PTPRD: variants seen among roughly 807,000 people sequenced by gnomAD.
PTPRD encodes protein tyrosine phosphatase receptor type D.
PTPRD carries 34 observed loss-of-function variants against 214.5 expected under a neutral mutation model. The observed-to-expected ratio is 0.16, with a 90% CI of 0.12 to 0.21. The LOEUF (loss-of-function observed/expected upper bound fraction) is 0.21. PTPRD is among the 10% of genes least tolerant of loss of function. The pLI is 1.00. For synonymous variants in PTPRD, 1,128 were observed against 845.7 expected, an observed-to-expected ratio of 1.33 and a Z score of -5.79; for missense variants, 2,545 against 2,398.7, an observed-to-expected ratio of 1.06 and a Z score of -1.27.
rs116793385 is a variant in PTPRD, at chr9:9,506,924, G to C, written c.-237+67808C>G. On this transcript the variant is annotated intron_variant, in intron 8 of 45. Transcript: ENST00000381196. Reference sequence around the variant, plus strand: ...ATAATGATTATGTTTTAAGATTATAGAAAATTAAGTAACCCAGTAATTCTA... The same window carrying C: ...ATAATGATTATGTTTTAAGATTATACAAAATTAAGTAACCCAGTAATTCTA... Among the ~76,000 whole-genome samples, 1,009 of 151,450 alleles carry C rather than the reference G, an allele frequency of 6.7e-3. 10 individuals carry two copies. The highest frequency in any genetic ancestry group is 0.023 in the African/African-American group (960 of 41,426).
chr9:9,007,811 T>TA (rs1589694108), intron 11 of PTPRD, among the ~76,000 whole-genome samples: 1 of 149,740 alleles, frequency 6.7e-6, no homozygotes, highest in South Asian at 2.1e-4. Context: ...TTTTTTTTTT[T>TA]ACACCATAAA....
At chr9:8,812,175 C>G (rs966698868) in intron 11 of PTPRD, among the ~76,000 whole-genome samples, 2 of 152,128 alleles carry the variant, frequency 1.3e-5, no homozygotes, top group African/African-American at 4.8e-5. Flanking sequence ...AACAGACTTC[C>G]ATTCTTTAAA....
chr9:10,489,710 G>A (rs190377168), intron 2 of PTPRD, among the ~76,000 whole-genome samples: 130 of 152,286 alleles, frequency 8.5e-4, no homozygotes, highest in Non-Finnish European at 1.2e-3. Context: ...TCTGGCTAGG[G>A]ATGGTTTAAA....
chr9:10,224,605 A>G (rs1050376957), intron 3 of PTPRD, among the ~76,000 whole-genome samples: 2 of 152,006 alleles, frequency 1.3e-5, no homozygotes, highest in African/African-American at 4.8e-5. Flanking sequence ...TCATTTAACC[A>G]TTTTTTAAGT....
intron 7 of PTPRD, among the ~76,000 whole-genome samples, chr9:9,711,339 T>C (rs1279027816): frequency 1.3e-5 from 2 of 152,118 alleles, no homozygotes; most frequent in Non-Finnish European, 2.9e-5. Context: ...AGACGGCAGT[T>C]TCCAAGAATC....
At chr9:8,461,467 ATCT>A (rs1381071279) in intron 32 of PTPRD, among the ~76,000 whole-genome samples, 15 of 152,096 alleles carry the variant, frequency 9.9e-5, no homozygotes, top group Admixed American at 9.8e-4. Context: ...TTAGGAAAAC[ATCT>A]TCTTGGCTCT....
At chr9:8,580,713 G>A (rs1390319084) in intron 14 of PTPRD, among the ~76,000 whole-genome samples, 2 of 152,108 alleles carry the variant, frequency 1.3e-5, no homozygotes, top group Non-Finnish European at 2.9e-5. Context: ...CCATTTGTAA[G>A]TACAACAAAA....
intron 3 of PTPRD, among the ~76,000 whole-genome samples, chr9:10,247,021 T>A (rs938913723): frequency 6.6e-6 from 1 of 152,188 alleles, no homozygotes; most frequent in Admixed American, 6.5e-5. Context: ...ACTAACTTTG[T>A]TTAAAAATAC....
intron 9 of PTPRD, among the ~76,000 whole-genome samples, chr9:9,278,969 C>G (rs1946669718): frequency 6.6e-6 from 1 of 151,088 alleles, no homozygotes; most frequent in African/African-American, 2.4e-5. Context: ...TTTTGTGTCA[C>G]AAAATAAACC....
chr9:9,003,867 C>G lies in PTPRD; in HGVS notation c.-104+14830G>C, dbSNP rs146749344. 4.1e-3 allele frequency among the ~76,000 whole-genome samples: 631 copies of G among 152,178 alleles called. 4 individuals carry two copies. Among genetic ancestry groups the G allele is most frequent in the Admixed American group, 7.5e-3 (115 of 15,250 alleles). ...GTAAATGCCTGATAACGTCACTACA[C>G]ATAGGAACATGACAATGCATCAACT... On this transcript the variant is annotated intron_variant, in intron 11 of 45. Transcript: ENST00000381196.
At chr9:10,073,180 C>T (rs987158245) in intron 3 of PTPRD, among the ~76,000 whole-genome samples, 10 of 151,886 alleles carry the variant, frequency 6.6e-5, no homozygotes, top group African/African-American at 1.9e-4. Flanking sequence ...GGCAGTGAAA[C>T]TTTACCTTAT....
At chr9:9,229,197 T>C (rs1452783707) in intron 9 of PTPRD, among the ~76,000 whole-genome samples, 1 of 152,162 alleles carries the variant, frequency 6.6e-6, no homozygotes, top group Non-Finnish European at 1.5e-5. Context: ...AACATTCAAC[T>C]TACAGGTATT....
intron 2 of PTPRD, among the ~76,000 whole-genome samples, chr9:10,582,277 C>T (rs185932212): frequency 2.6e-5 from 4 of 152,206 alleles, no homozygotes; most frequent in Non-Finnish European, 5.9e-5. Flanking sequence ...TATACCGGAC[C>T]TTGTTTTTTC....
At position 8,340,392 on chromosome 9, in the gene PTPRD, T is replaced by C. The variant is rs1465219560; in HGVS notation, c.5204A>G (p.His1735Arg). The change falls in exon 42 of 46, where the codon CAC becomes CGC. Residue 1735 changes from histidine (H) to arginine (R), a missense_variant. Physicochemically the swap from His to Arg is conservative, Grantham distance 29. Coordinates refer to ENST00000381196, the MANE Select transcript of PTPRD (RefSeq NM_002839.4). The part of the protein sequence containing the change: ...TEDFWRMLWE[H>R]NSTIVVMLTK... Reference sequence around the variant, plus strand: ...GAGCATCACAACTATGGTGGAATTGTGTTCCCAGAGCATCCGCCAGAAGTC... The same window carrying C: ...GAGCATCACAACTATGGTGGAATTGCGTTCCCAGAGCATCCGCCAGAAGTC... 4 of 1,611,054 alleles carry C rather than the reference T, an allele frequency of 2.5e-6. No individual in the cohort carries two copies. The highest frequency in any genetic ancestry group is 2.2e-5 in the South Asian group (2 of 90,814).
chr9:9,892,842 T>A (rs1342639601), intron 5 of PTPRD, among the ~76,000 whole-genome samples: 1 of 151,930 alleles, frequency 6.6e-6, no homozygotes, highest in Admixed American at 6.6e-5. Context: ...TAAAAAGACT[T>A]AAAGAGGTAC....
chr9:8,470,618 C>A (rs1230639350), intron 31 of PTPRD, among the ~76,000 whole-genome samples: 1 of 152,116 alleles, frequency 6.6e-6, no homozygotes, highest in Non-Finnish European at 1.5e-5. Flanking sequence ...GTGTTTGTGA[C>A]AGCCTCAGCA....
At chr9:9,902,513 T>C (rs1185711642) in intron 5 of PTPRD, among the ~76,000 whole-genome samples, 1 of 152,148 alleles carries the variant, frequency 6.6e-6, no homozygotes, top group Non-Finnish European at 1.5e-5. Flanking sequence ...AGTGTAGAAA[T>C]TTGGTCTCAA....
At chr9:8,907,359 A>T (rs937153515) in intron 11 of PTPRD, among the ~76,000 whole-genome samples, 13 of 151,884 alleles carry the variant, frequency 8.6e-5, no homozygotes, top group African/African-American at 3.1e-4. Flanking sequence ...TATTTAAAGA[A>T]ACGGAGAAAT....
At chr9:10,131,635 A>T (rs934399864) in intron 3 of PTPRD, among the ~76,000 whole-genome samples, 5 of 152,182 alleles carry the variant, frequency 3.3e-5, no homozygotes, top group African/African-American at 1.2e-4. Flanking sequence ...ATGAAGGAAG[A>T]TGTAAGCTAT....
Sources: allele counts gnomAD v4.1 joint callset (sites outside exome capture counted in the v4.1 genomes callset), GRCh38; gene constraint gnomAD v4.1.1; transcripts MANE v1.5; gene names NCBI Gene and HGNC (gene_info 2026-07-23, HGNC 2026-07-21).